ZCWPW2: variants seen among roughly 807,000 people sequenced by gnomAD.
ZCWPW2 encodes the protein zinc finger CW-type and PWWP domain containing 2.
ZCWPW2 carries 45 observed loss-of-function variants against 46.6 expected under a neutral mutation model. The observed-to-expected ratio is 0.96, with a 90% CI of 0.76 to 1.24. The LOEUF (loss-of-function observed/expected upper bound fraction) is 1.24. Ranked by LOEUF, ZCWPW2 falls within the 50% of genes most tolerant of loss-of-function variation. ZCWPW2 has a pLI of 0.00. For synonymous variants in ZCWPW2, 152 were observed against 137.1 expected (o/e 1.11, Z -0.76); for missense variants, 429 against 403.9 (o/e 1.06, Z -0.53).
chr3:28,497,858 G>A (rs1035926930), intron 6 of ZCWPW2, among the ~76,000 whole-genome samples: 3 of 151,908 alleles, frequency 2.0e-5, no homozygotes, highest in Non-Finnish European at 4.4e-5. Flanking sequence ...TGTAGTACAC[G>A]TGCACCTGCC....
intron 4 of ZCWPW2, among the ~76,000 whole-genome samples, chr3:28,466,065 C>T (rs2125792218): frequency 6.6e-6 from 1 of 152,272 alleles, no homozygotes; most frequent in African/African-American, 2.4e-5. Context: ...CTAAGAGAAT[C>T]AGTGCAGGAA....
intron 4 of ZCWPW2, among the ~76,000 whole-genome samples, chr3:28,470,721 A>G (rs1313148377): frequency 6.6e-6 from 1 of 152,054 alleles, no homozygotes; most frequent in Non-Finnish European, 1.5e-5. Flanking sequence ...AACTCAACTG[A>G]TTTTCTTTTA....
At chr3:28,470,373 G>A (rs913384662) in intron 4 of ZCWPW2, among the ~76,000 whole-genome samples, 9 of 151,592 alleles carry the variant, frequency 5.9e-5, no homozygotes, top group East Asian at 1.9e-4. Context: ...GGCGCATGCC[G>A]GTAATCCCAG....
intron 4 of ZCWPW2, among the ~76,000 whole-genome samples, chr3:28,475,890 A>G (rs1699222270): frequency 6.6e-6 from 1 of 152,072 alleles, no homozygotes; most frequent in South Asian, 2.1e-4. Flanking sequence ...TTTATTACAG[A>G]GCACTTATCA....
intron 3 of ZCWPW2, among the ~76,000 whole-genome samples, chr3:28,420,800 C>T (rs1446576728): frequency 6.6e-6 from 1 of 151,850 alleles, no homozygotes; most frequent in East Asian, 1.9e-4. Context: ...CTTATTTGTT[C>T]GGAAGGCAAG....
intron 4 of ZCWPW2, among the ~76,000 whole-genome samples, chr3:28,464,122 T>G (rs1426601909): frequency 6.6e-6 from 1 of 152,086 alleles, no homozygotes; most frequent in East Asian, 1.9e-4. Context: ...GGGTGTTTTT[T>G]TGTTTATTTT....
chr3:28,502,620 T>C (rs892671476), intron 6 of ZCWPW2, among the ~76,000 whole-genome samples: 1 of 152,084 alleles, frequency 6.6e-6, no homozygotes, highest in African/African-American at 2.4e-5. Flanking sequence ...TATGTTGTAG[T>C]GCGAAGACCA....
intron 1 of ZCWPW2, among the ~76,000 whole-genome samples, chr3:28,355,066 C>T (rs1429477287): frequency 6.6e-6 from 1 of 151,496 alleles, no homozygotes; most frequent in Non-Finnish European, 1.5e-5. Context: ...TCAAATTATC[C>T]CTGTTTGCAG....
At chr3:28,472,284 A>C (rs1699067346) in intron 4 of ZCWPW2, among the ~76,000 whole-genome samples, 2 of 152,230 alleles carry the variant, frequency 1.3e-5, no homozygotes, top group South Asian at 4.1e-4. Context: ...CCTAAGCAAA[A>C]GGAACAAAAC....
At chr3:28,437,308 T>A (rs757866228) in intron 4 of ZCWPW2, among the ~76,000 whole-genome samples, 1 of 152,218 alleles carries the variant, frequency 6.6e-6, no homozygotes, top group South Asian at 2.1e-4. Context: ...CATTTTCCTC[T>A]AAATTAATTC....
At chr3:28,489,668 GCACACACACA>G (rs1209352772) in intron 5 of ZCWPW2, among the ~76,000 whole-genome samples, 216 of 39,586 alleles carry the variant, frequency 5.5e-3, no homozygotes, top group African/African-American at 0.013. Flanking sequence ...ACACACGCGC[GCACACACACA>G]CACACACACA....
chr3:28,392,285 G>A (rs747239198), intron 2 of ZCWPW2, among the ~76,000 whole-genome samples: 13 of 152,226 alleles, frequency 8.5e-5, no homozygotes, highest in Non-Finnish European at 1.6e-4. Context: ...AAATATATAT[G>A]CACCCAACAT....
In ZCWPW2 at chr3:28,414,448, G is replaced by GT. The variant is rs890703820; in HGVS notation, c.332+1057dup. Among the ~76,000 whole-genome samples the GT allele has an allele frequency of 6.0e-5, 9 of 151,136 alleles. No homozygotes were observed. The East Asian group carries it at 7.8e-4, about 13-fold the overall frequency. Reference sequence around the variant, plus strand: ...TTGTGAAGATTATTTCATCAACCAGGTTTTTTTTTAATTTTATTATTATTG... The same window carrying GT: ...TTGTGAAGATTATTTCATCAACCAGGTTTTTTTTTTAATTTTATTATTATTG... On this transcript the variant is annotated intron_variant, in intron 3 of 9. Coordinates refer to ENST00000383768, the MANE Select transcript of ZCWPW2 (RefSeq NM_001040432.4).
At chr3:28,521,363 G>A (rs1314522782) in intron 9 of ZCWPW2, among the ~76,000 whole-genome samples, 1 of 152,138 alleles carries the variant, frequency 6.6e-6, no homozygotes, top group African/African-American at 2.4e-5. Context: ...CTTTGGGATT[G>A]GAGTGAAGAA....
chr3:28,478,054 G>T (rs1412727425), intron 4 of ZCWPW2, among the ~76,000 whole-genome samples: 1 of 151,838 alleles, frequency 6.6e-6, no homozygotes, highest in Non-Finnish European at 1.5e-5. Context: ...AACTTACTGA[G>T]TTCTTATTAT....
rs1232908592 is a variant in ZCWPW2 at position 28,487,476 on chromosome 3, A to T, written c.611-4651A>T. On this transcript the variant is annotated intron_variant, in intron 5 of 9. Coordinates refer to ENST00000383768, the MANE Select transcript of ZCWPW2 (RefSeq NM_001040432.4). ...CTTGTGAATCTTTCTTAGAATTTTCATTTCTTTGCTTACGTTACCTATCTG... is the reference window on the plus strand; with the variant it reads ...CTTGTGAATCTTTCTTAGAATTTTCTTTTCTTTGCTTACGTTACCTATCTG... Among the ~76,000 whole-genome samples, 5 of 152,142 alleles carry T rather than the reference A, an allele frequency of 3.3e-5. No homozygotes were observed. In the South Asian group the frequency reaches 8.3e-4, roughly 25 times the overall value.
intron 1 of ZCWPW2, among the ~76,000 whole-genome samples, chr3:28,372,559 A>T (rs2125703176): frequency 6.6e-6 from 1 of 152,316 alleles, no homozygotes; most frequent in Non-Finnish European, 1.5e-5. Flanking sequence ...ATACATTTTG[A>T]AGTACATTCT....
intron 1 of ZCWPW2, among the ~76,000 whole-genome samples, chr3:28,390,091 C>A (rs753042148): frequency 6.6e-6 from 1 of 152,162 alleles, no homozygotes; most frequent in Non-Finnish European, 1.5e-5. Flanking sequence ...TCCTCCATTT[C>A]CCAGTTTACA....
At chr3:28,422,688 C>T (rs1288164586) in intron 3 of ZCWPW2, among the ~76,000 whole-genome samples, 1 of 152,164 alleles carries the variant, frequency 6.6e-6, no homozygotes, top group Non-Finnish European at 1.5e-5. Context: ...CATCCATGTG[C>T]AACCTTCTAT....
Sources: gnomAD v4.1 joint callset for allele counts (sites outside exome capture counted in the v4.1 genomes callset) on GRCh38, gnomAD v4.1.1 for gene constraint, MANE v1.5 for transcripts, NCBI Gene and HGNC (gene_info 2026-07-23, HGNC 2026-07-21) for gene names.